Variants in PAWR observed in about 807,000 individuals in gnomAD.
The protein encoded by PAWR is PRKC apoptosis WT1 regulator protein.
PAWR carries 23 observed loss-of-function variants against 32.0 expected under a neutral mutation model. The observed-to-expected ratio is 0.72, with a 90% CI of 0.52 to 1.02. The LOEUF is 1.02. Among genes scored for constraint, PAWR ranks in the 50% least tolerant of loss-of-function variants. The pLI is 0.00. For missense variants in PAWR, 457 were observed against 437.7 expected, an observed-to-expected ratio of 1.04 and a Z score of -0.39; for synonymous variants, 226 against 187.1, an observed-to-expected ratio of 1.21 and a Z score of -1.70.
At chr12:79,640,150 A>G (rs1592523504) in intron 2 of PAWR, among the ~76,000 whole-genome samples, 1 of 151,794 alleles carries the variant, frequency 6.6e-6, no homozygotes, top group Non-Finnish European at 1.5e-5. Flanking sequence ...TGATCCTCCC[A>G]CCTCAGCCTC....
At chr12:79,657,243 G>C (rs1355296987) in intron 2 of PAWR, among the ~76,000 whole-genome samples, 1 of 152,102 alleles carries the variant, frequency 6.6e-6, no homozygotes, top group Non-Finnish European at 1.5e-5. Flanking sequence ...ACAGAAAGCA[G>C]ATCAACAGTT....
At chr12:79,648,575 G>A (rs1876688511) in intron 2 of PAWR, among the ~76,000 whole-genome samples, 1 of 137,476 alleles carries the variant, frequency 7.3e-6, no homozygotes, top group African/African-American at 2.8e-5. Flanking sequence ...TTGAGCAAAA[G>A]AGTTCAAGAC....
intron 3 of PAWR, among the ~76,000 whole-genome samples, chr12:79,614,920 T>C (rs191716080): frequency 2.6e-5 from 4 of 152,266 alleles, no homozygotes; most frequent in Admixed American, 2.6e-4. Flanking sequence ...AGACTATGGG[T>C]TTAACCTCTA....
chr12:79,687,349 G>A (rs1410905150), intron 2 of PAWR, among the ~76,000 whole-genome samples: 1 of 152,072 alleles, frequency 6.6e-6, no homozygotes, highest in Non-Finnish European at 1.5e-5. Flanking sequence ...AGTAAAGTGA[G>A]GTAATGAAAG....
At chr12:79,655,611 C>T (rs112751019) in intron 2 of PAWR, among the ~76,000 whole-genome samples, 1,683 of 152,230 alleles carry the variant, frequency 0.011, 41 homozygotes, top group African/African-American at 0.038. Flanking sequence ...AATGCAGATT[C>T]GGATTTCAGG....
At chr12:79,645,029 A>ACCC (rs1260700129) in intron 2 of PAWR, among the ~76,000 whole-genome samples, 15 of 102,104 alleles carry the variant, frequency 1.5e-4, no homozygotes, top group African/African-American at 9.0e-4. Context: ...TGCTCCCTCC[A>ACCC]CCCCCACCAC....
chr12:79,605,529 T>TAAA (rs376227942), intron 4 of PAWR, among the ~76,000 whole-genome samples: 3 of 149,972 alleles, frequency 2.0e-5, no homozygotes, highest in African/African-American at 2.4e-5. Flanking sequence ...CTTTTTTTTT[T>TAAA]AAAAAAAAAG....
At position 79,613,573 on chromosome 12, in the gene PAWR, A is replaced by G; in HGVS notation, c.683+2T>C. ...ATATGTTTAAGTCATAAGGATTCTT[A>G]CCTTTTATATCTGCCTGAAACTGTT... On this transcript the variant is annotated splice_donor_variant, in intron 4 of 6. Transcript: ENST00000328827. LOFTEE classifies it high-confidence loss of function. 1 of 1,514,734 alleles carries G rather than the reference A, an allele frequency of 6.6e-7. No individual in the cohort carries two copies. Among genetic ancestry groups the G allele is most frequent in the Non-Finnish European group, 9.1e-7 (1 of 1,095,704 alleles). The allele number at this position is 1,514,734 out of a possible 1,614,324, so 93.8% of individuals were successfully genotyped here. A position where few individuals can be genotyped will look rare whatever the true frequency, so the allele number is the denominator to read the frequency against.
intron 4 of PAWR, among the ~76,000 whole-genome samples, chr12:79,602,630 T>A (rs1293455269): frequency 6.6e-6 from 1 of 152,204 alleles, no homozygotes; most frequent in South Asian, 2.1e-4. Flanking sequence ...CAAAAGTAGA[T>A]GCTGATGTCA....
chr12:79,593,392 C>CT (rs939609113), intron 6 of PAWR, among the ~76,000 whole-genome samples: 1 of 152,074 alleles, frequency 6.6e-6, no homozygotes, highest in Non-Finnish European at 1.5e-5. Flanking sequence ...TGATCCAGCT[C>CT]TTTTTTCCCT....
intron 2 of PAWR, among the ~76,000 whole-genome samples, chr12:79,660,583 CTTTTT>C (rs754493353): frequency 2.2e-5 from 3 of 135,428 alleles, no homozygotes; most frequent in Admixed American, 7.5e-5. Flanking sequence ...TTTCATTGTA[CTTTTT>C]TTTTTTTTTT....
intron 2 of PAWR, among the ~76,000 whole-genome samples, chr12:79,653,120 T>A (rs542726028): frequency 6.6e-6 from 1 of 152,232 alleles, no homozygotes; most frequent in South Asian, 2.1e-4. Flanking sequence ...CTCAGCTCAC[T>A]GCAACCTCCA....
At chr12:79,651,447 A>C (rs1252447014) in intron 2 of PAWR, among the ~76,000 whole-genome samples, 2 of 152,212 alleles carry the variant, frequency 1.3e-5, no homozygotes, top group Non-Finnish European at 2.9e-5. Context: ...CCTCAATACC[A>C]GATCTTCATC....
At chr12:79,596,447 A>G (rs1873748779) in intron 5 of PAWR, 64 bp downstream of exon 5, 4 of 815,170 alleles carry the variant, frequency 4.9e-6, no homozygotes, top group East Asian at 2.7e-5. Context: ...CTCAGTTGCT[A>G]TGAAACAAAA....
rs549203246 is a variant in PAWR at position 79,594,453 on chromosome 12, A to C, written c.832-20T>G. The C allele has an allele frequency of 8.8e-7, 1 of 1,131,012 alleles. No homozygotes were observed. Among genetic ancestry groups the C allele is most frequent in the African/African-American group, 1.6e-5 (1 of 64,478 alleles). 70.1% of individuals were successfully genotyped at this position (1,131,012 alleles called of 1,614,324 possible). A position where few individuals can be genotyped will look rare whatever the true frequency, so the allele number is the denominator to read the frequency against. On this transcript the variant is annotated intron_variant, in intron 5 of 6. Transcript: ENST00000328827. ...TACTTCCTGGTAGATACAATTAAAAACCAGTAATTAGGAAGTAATTGTTTA... is the reference window on the plus strand; with the variant it reads ...TACTTCCTGGTAGATACAATTAAAACCCAGTAATTAGGAAGTAATTGTTTA...
chr12:79,666,770 T>C (rs2136838552), intron 2 of PAWR, among the ~76,000 whole-genome samples: 1 of 152,364 alleles, frequency 6.6e-6, no homozygotes, highest in South Asian at 2.1e-4. Context: ...CAGGCATTTC[T>C]AAAATTTCTT....
intron 2 of PAWR, among the ~76,000 whole-genome samples, chr12:79,683,414 G>A (rs529200470): frequency 6.6e-6 from 1 of 152,218 alleles, no homozygotes; most frequent in South Asian, 2.1e-4. Context: ...CCAAACTTTA[G>A]TGTGTACCAA....
chr12:79,642,202 T>C (rs1185803193), intron 2 of PAWR, among the ~76,000 whole-genome samples: 5 of 152,176 alleles, frequency 3.3e-5, no homozygotes, highest in Non-Finnish European at 7.3e-5. Context: ...TAAGACTACA[T>C]ACAAGAAAAT....
At chr12:79,638,077 T>C (rs1292830591) in intron 2 of PAWR, among the ~76,000 whole-genome samples, 1 of 152,000 alleles carries the variant, frequency 6.6e-6, no homozygotes, top group Non-Finnish European at 1.5e-5. Flanking sequence ...TTTGTGTGTA[T>C]CTCTAATTTT....
Sources: gnomAD v4.1 joint callset for allele counts (sites outside exome capture counted in the v4.1 genomes callset) on GRCh38, gnomAD v4.1.1 for gene constraint, MANE v1.5 for transcripts, NCBI Gene and HGNC (gene_info 2026-07-23, HGNC 2026-07-21) for gene names.